Variants in ARHGEF28 observed in about 807,000 individuals in gnomAD.
ARHGEF28 encodes the protein Rho guanine nucleotide exchange factor 28.
ARHGEF28 carries 152 observed loss-of-function variants against 206.6 expected under a neutral mutation model. The ratio of observed to expected loss-of-function variants is 0.74; its 90% CI spans 0.64 to 0.84. The LOEUF (loss-of-function observed/expected upper bound fraction) is 0.84. ARHGEF28 is among the 40% of genes least tolerant of loss of function. ARHGEF28 has a pLI of 0.00. For missense variants in ARHGEF28, 2,028 were observed against 2,073.2 expected (o/e 0.98, Z 0.42); for synonymous variants, 763 against 776.4 (o/e 0.98, Z 0.29).
intron 2 of ARHGEF28, among the ~76,000 whole-genome samples, chr5:73,701,769 C>T (rs1249405750): frequency 6.6e-6 from 1 of 152,118 alleles, no homozygotes; most frequent in Non-Finnish European, 1.5e-5. Flanking sequence ...TAAGAAACAA[C>T]CAGTTGTTGT....
chr5:73,908,797 T>C (rs937536348), intron 33 of ARHGEF28: 1 of 152,116 alleles, frequency 6.6e-6, no homozygotes, highest in African/African-American at 2.4e-5. Context: ...GATATAACAG[T>C]AATGAGACTA....
At chr5:73,799,816 G>T (rs1755030224) in intron 9 of ARHGEF28, among the ~76,000 whole-genome samples, 2 of 152,156 alleles carry the variant, frequency 1.3e-5, no homozygotes, top group South Asian at 2.1e-4. Flanking sequence ...CTCCCTATAG[G>T]TGATAGGGGA....
chr5:73,921,599 T>A (rs1763523981), intron 35 of ARHGEF28, among the ~76,000 whole-genome samples: 1 of 152,236 alleles, frequency 6.6e-6, no homozygotes, highest in African/African-American at 2.4e-5. Flanking sequence ...CTGAACAATT[T>A]CATAGTAAGG....
chr5:73,695,191 A>G (rs767910675), intron 2 of ARHGEF28, among the ~76,000 whole-genome samples: 7 of 152,196 alleles, frequency 4.6e-5, no homozygotes, highest in Non-Finnish European at 1.0e-4. Context: ...GGGAGGGGCC[A>G]GGTCATGCCC....
At chr5:73,681,368 T>C (rs1441018171) in intron 1 of ARHGEF28, among the ~76,000 whole-genome samples, 1 of 152,224 alleles carries the variant, frequency 6.6e-6, no homozygotes, top group Admixed American at 6.5e-5. Flanking sequence ...AACTTGTTAA[T>C]GTTCTTGGGT....
chr5:73,712,312 A>G (rs975266216), intron 2 of ARHGEF28, among the ~76,000 whole-genome samples: 127 of 152,344 alleles, frequency 8.3e-4, no homozygotes, highest in African/African-American at 2.6e-3. Context: ...TGAATTCCAT[A>G]TAAGTAGACT....
intron 14 of ARHGEF28, among the ~76,000 whole-genome samples, chr5:73,855,828 C>A (rs1215369539): frequency 6.6e-6 from 1 of 151,908 alleles, no homozygotes; most frequent in Non-Finnish European, 1.5e-5. Context: ...TGGAAACTGT[C>A]GTTTTTTATA....
At position 73,901,244 on chromosome 5, in the gene ARHGEF28, G is replaced by A; in HGVS notation, c.4034G>A (p.Gly1345Asp). The change falls in exon 31 of 36, where the codon GGT becomes GAT. Residue 1345 changes from glycine (G) to aspartate (D), a missense_variant. Around this residue, in one of 3 missense-constraint regions of ARHGEF28, gnomAD observed 803 missense variants for 768.0 expected, o/e 1.05. Coordinates refer to ENST00000513042, the MANE Select transcript of ARHGEF28 (RefSeq NM_001177693.2). Reference sequence around the variant, plus strand: ...TCGGATGTGGATCCCGGGATCCAGGGTGTGGTAACCGACTTGGCCGTCTCT... The same window carrying A: ...TCGGATGTGGATCCCGGGATCCAGGATGTGGTAACCGACTTGGCCGTCTCT... ...GCSDVDPGIQ[G>D]VVTDLAVSDA... 1.2e-6 allele frequency: 2 copies of A among 1,613,438 alleles called. No homozygotes were observed. Among genetic ancestry groups the A allele is most frequent in the Non-Finnish European group, 1.7e-6 (2 of 1,179,654 alleles).
intron 1 of ARHGEF28, among the ~76,000 whole-genome samples, chr5:73,658,448 C>T (rs1247727676): frequency 6.6e-6 from 1 of 152,106 alleles, no homozygotes; most frequent in African/African-American, 2.4e-5. Context: ...CACACAGTCC[C>T]TCAGCTATTA....
intron 2 of ARHGEF28, among the ~76,000 whole-genome samples, chr5:73,738,083 G>T (rs1751121172): frequency 6.6e-6 from 1 of 152,226 alleles, no homozygotes; most frequent in South Asian, 2.1e-4. Context: ...TGCTGTCGGG[G>T]TGGGTGCTGA....
At chr5:73,802,607 T>C (rs1049260121) in intron 9 of ARHGEF28, among the ~76,000 whole-genome samples, 2 of 152,052 alleles carry the variant, frequency 1.3e-5, no homozygotes, top group African/African-American at 4.8e-5. Flanking sequence ...TTCAATAAAA[T>C]GATTAGATTA....
At chr5:73,923,148 C>T (rs1763612883) in intron 35 of ARHGEF28, 1 of 1,535,662 alleles carries the variant, frequency 6.5e-7, no homozygotes, top group African/African-American at 1.4e-5. Flanking sequence ...GGACTGGAAC[C>T]ACATCTACTT....
intron 2 of ARHGEF28, among the ~76,000 whole-genome samples, chr5:73,692,256 G>A (rs1747877773): frequency 6.6e-6 from 1 of 152,008 alleles, no homozygotes; most frequent in African/African-American, 2.4e-5. Context: ...TTTAACATCT[G>A]CAGAGGGTGC....
chr5:73,852,602 G>A, intron 13 of ARHGEF28, 48 bp from the exon 14 acceptor site: 1 of 1,563,244 alleles, frequency 6.4e-7, no homozygotes. Context: ...ACATATGACT[G>A]CCAGTTTGTG....
intron 1 of ARHGEF28, among the ~76,000 whole-genome samples, chr5:73,652,208 A>G (rs1248910761): frequency 1.3e-5 from 2 of 152,182 alleles, no homozygotes; most frequent in African/African-American, 4.8e-5. Flanking sequence ...CTAGTTGAGA[A>G]GGTCACACTA....
intron 35 of ARHGEF28, among the ~76,000 whole-genome samples, chr5:73,934,136 TG>T (rs1240812510): frequency 6.6e-6 from 1 of 152,226 alleles, no homozygotes; most frequent in Non-Finnish European, 1.5e-5. Flanking sequence ...TGTTTATCTG[TG>T]GAAAAGACAG....
intron 2 of ARHGEF28, among the ~76,000 whole-genome samples, chr5:73,725,372 C>A (rs1750208017): frequency 6.6e-6 from 1 of 152,096 alleles, no homozygotes; most frequent in Non-Finnish European, 1.5e-5. Context: ...CTAATATGGC[C>A]AATTGCCTTG....
chr5:73,737,482 C>T (rs1211101218), intron 2 of ARHGEF28, among the ~76,000 whole-genome samples: 1 of 117,548 alleles, frequency 8.5e-6, no homozygotes, highest in African/African-American at 4.1e-5. Flanking sequence ...CTTTTCTTTT[C>T]TTTTCTTTTC....
intron 2 of ARHGEF28, among the ~76,000 whole-genome samples, chr5:73,742,438 T>A (rs922174344): frequency 6.6e-6 from 1 of 152,082 alleles, no homozygotes; most frequent in African/African-American, 2.4e-5. Context: ...TTTTATTATT[T>A]AAGTTTCCTC....
Sources: allele counts gnomAD v4.1 joint callset (sites outside exome capture counted in the v4.1 genomes callset), GRCh38; gene constraint gnomAD v4.1.1; regional missense constraint gnomAD v4.1.1; transcripts MANE v1.5; gene names NCBI Gene and HGNC (gene_info 2026-07-23, HGNC 2026-07-21).